Variants in MPZL1 observed in about 807,000 individuals in gnomAD.
The protein encoded by MPZL1 is myelin protein zero like 1, also known as myelin protein zero-like protein 1.
In MPZL1, 16 loss-of-function variants were observed where a neutral mutation model predicts 29.3. The observed-to-expected ratio is 0.55, with a 90% CI of 0.37 to 0.83. The LOEUF (loss-of-function observed/expected upper bound fraction) is 0.83, where lower values mean the gene tolerates loss of function less well. MPZL1 is among the 40% of genes least tolerant of loss of function. The probability of loss-of-function intolerance (pLI) is 0.00; values close to 1 mark genes in which losing one functional copy is unlikely to be tolerated. For missense variants in MPZL1, 279 were observed against 332.9 expected, an observed-to-expected ratio of 0.84 and a Z score of 1.26; for synonymous variants, 143 against 132.0, an observed-to-expected ratio of 1.08 and a Z score of -0.57.
intron 1 of MPZL1, among the ~76,000 whole-genome samples, chr1:167,747,226 C>T (rs73037848): frequency 0.018 from 2,809 of 152,254 alleles, 91 homozygotes; most frequent in African/African-American, 0.063. Flanking sequence ...TAATTTCATT[C>T]CCTTTTATTT....
intron 1 of MPZL1, among the ~76,000 whole-genome samples, chr1:167,740,419 A>G (rs1660492220): frequency 6.6e-6 from 1 of 152,158 alleles, no homozygotes; most frequent in Non-Finnish European, 1.5e-5. Context: ...GACAAACCAT[A>G]TTAGTTCTTC....
In MPZL1 at chr1:167,722,146, T is replaced by A; in HGVS notation, c.-6T>A. On this transcript the variant is annotated 5_prime_UTR_variant, in exon 1 of 6. Transcript: ENST00000359523. Reference sequence around the variant, plus strand: ...CGGCGGCGGCGGCGACTGCAGTGGCTGGACGATGGCAGCGTCCGCCGGAGC... The same window carrying A: ...CGGCGGCGGCGGCGACTGCAGTGGCAGGACGATGGCAGCGTCCGCCGGAGC... The A allele has an allele frequency of 8.1e-7, 1 of 1,235,260 alleles. No homozygotes were observed. The highest frequency in any genetic ancestry group is 1.6e-5 in the African/African-American group (1 of 64,328). 76.5% of individuals were successfully genotyped at this position (1,235,260 alleles called of 1,614,324 possible).
chr1:167,725,858 G>C (rs147124884), intron 1 of MPZL1, among the ~76,000 whole-genome samples: 2 of 151,118 alleles, frequency 1.3e-5, no homozygotes, highest in Non-Finnish European at 3.0e-5. Flanking sequence ...TCAAGTGACC[G>C]GCCTGCCTCA....
chr1:167,768,365 C>T (rs952765313), intron 2 of MPZL1, among the ~76,000 whole-genome samples: 1 of 151,522 alleles, frequency 6.6e-6, no homozygotes, highest in African/African-American at 2.4e-5. Context: ...CCATTTTTAC[C>T]CTCTGTCTCC....
intron 4 of MPZL1, chr1:167,773,655 G>A (rs1661299074): frequency 8.4e-6 from 2 of 238,378 alleles, no homozygotes; most frequent in Admixed American, 1.1e-4. Flanking sequence ...CATCCACTAT[G>A]CAATTAGTAT....
At chr1:167,763,211 G>C (rs1448071723) in intron 1 of MPZL1, among the ~76,000 whole-genome samples, 2 of 152,128 alleles carry the variant, frequency 1.3e-5, no homozygotes, top group Non-Finnish European at 2.9e-5. Context: ...AAGGGATCTG[G>C]TTTAAGAAAA....
chr1:167,729,276 G>GA (rs74842614), intron 1 of MPZL1, among the ~76,000 whole-genome samples: 169 of 124,896 alleles, frequency 1.4e-3, no homozygotes, highest in African/African-American at 1.4e-3. Context: ...TGTCTCAAAA[G>GA]AAAAAAAAAA....
In MPZL1 at chr1:167,788,540, T is replaced by C. The variant is rs1661637674; in HGVS notation, c.*619T>C. ...TGTTAGCCTTACATGTTGTGTAGACTTACTTTAAGTTTGCACCCTTGAAAT... is the reference window on the plus strand; with the variant it reads ...TGTTAGCCTTACATGTTGTGTAGACCTACTTTAAGTTTGCACCCTTGAAAT... On this transcript the variant is annotated 3_prime_UTR_variant, in exon 6 of 6. Transcript: ENST00000359523. 1 of 152,446 alleles carries C rather than the reference T, an allele frequency of 6.6e-6. No individual in the cohort carries two copies. Among genetic ancestry groups the C allele is most frequent in the East Asian group, 1.9e-4 (1 of 5,186 alleles). The allele number at this position is 152,446 out of a possible 1,614,324, so 9.4% of individuals were successfully genotyped here. A position where few individuals can be genotyped will look rare whatever the true frequency, so the allele number is the denominator to read the frequency against.
intron 1 of MPZL1, among the ~76,000 whole-genome samples, chr1:167,723,980 G>C (rs1018015413): frequency 7.2e-5 from 11 of 152,168 alleles, no homozygotes; most frequent in African/African-American, 2.7e-4. Flanking sequence ...TGGGAGGTTA[G>C]GTCTCACTGT....
At chr1:167,782,280 T>C (rs1432378075) in intron 5 of MPZL1, among the ~76,000 whole-genome samples, 1 of 152,216 alleles carries the variant, frequency 6.6e-6, no homozygotes, top group African/African-American at 2.4e-5. Context: ...AACTATCTTA[T>C]TTAAGCATGT....
intron 2 of MPZL1, 64 bp from the exon 3 acceptor site, chr1:167,772,211 C>T (rs750805487): frequency 7.7e-7 from 1 of 1,306,658 alleles, no homozygotes; most frequent in Non-Finnish European, 1.1e-6. Flanking sequence ...ATAGCATGCA[C>T]ATTACAGAGT....
chr1:167,753,165 T>C (rs1660791566), intron 1 of MPZL1, among the ~76,000 whole-genome samples: 1 of 152,214 alleles, frequency 6.6e-6, no homozygotes. Flanking sequence ...AGGTGGAGTC[T>C]TGAAATTCTG....
At position 167,782,564 on chromosome 1, in the gene MPZL1, G is replaced by C. The variant is rs138445512; in HGVS notation, c.709-5256G>C. ...ACCCAGTGAGAAGAAATGCACAGGA[G>C]GTAAAAAAATTTTGAGAACTTGAAT... On this transcript the variant is annotated intron_variant, in intron 5 of 5. Transcript: ENST00000359523. 3.3e-5 allele frequency among the ~76,000 whole-genome samples: 5 copies of C among 152,068 alleles called. No individual in the cohort carries two copies. In the South Asian group the frequency reaches 1.0e-3, roughly 32 times the overall value.
intron 2 of MPZL1, among the ~76,000 whole-genome samples, chr1:167,771,285 T>C (rs1421580839): frequency 6.6e-6 from 1 of 152,214 alleles, no homozygotes; most frequent in Non-Finnish European, 1.5e-5. Context: ...ACACAGCACA[T>C]GTTTCAGAGA....
intron 1 of MPZL1, among the ~76,000 whole-genome samples, chr1:167,722,836 TTC>T (rs1485999503): frequency 6.6e-6 from 1 of 152,230 alleles, no homozygotes; most frequent in Non-Finnish European, 1.5e-5. Context: ...ATATTGTTAC[TTC>T]TAGGTTAGAA....
At chr1:167,758,839 ACT>A (rs1039165310) in intron 1 of MPZL1, among the ~76,000 whole-genome samples, 2 of 152,006 alleles carry the variant, frequency 1.3e-5, no homozygotes, top group African/African-American at 4.8e-5. Context: ...TGCCCTTTAA[ACT>A]CTAGCATAAC....
chr1:167,761,679 T>C (rs1660990872), intron 1 of MPZL1, among the ~76,000 whole-genome samples: 1 of 152,198 alleles, frequency 6.6e-6, no homozygotes, highest in Non-Finnish European at 1.5e-5. Flanking sequence ...TGTGGGTGGA[T>C]TGCTAGACAG....
chr1:167,757,187 T>G (rs551388940), intron 1 of MPZL1, among the ~76,000 whole-genome samples: 138 of 152,186 alleles, frequency 9.1e-4, no homozygotes, highest in Non-Finnish European at 1.7e-3. Flanking sequence ...CCAGGAGAGA[T>G]TTGAGTCTGA....
Position 167,765,707 on chromosome 1 carries a change from C to G in MPZL1, c.216C>G (p.Val72=). The G allele has an allele frequency of 6.2e-7, 1 of 1,612,188 alleles. No homozygotes were observed. The highest frequency in any genetic ancestry group is 8.5e-7 in the Non-Finnish European group (1 of 1,179,122). Residue 72 remains valine, a synonymous_variant, in exon 2 of 6, where the codon GTC becomes GTG. Transcript: ENST00000359523. ...STSTTGGLTS[V]SWSFQPEGAD... Reference sequence around the variant, plus strand: ...GTACGACTGGCGGGTTGACCTCAGTCTCCTGGAGCTTCCAGCCAGAGGGGG... The same window carrying G: ...GTACGACTGGCGGGTTGACCTCAGTGTCCTGGAGCTTCCAGCCAGAGGGGG...
Sources: allele counts gnomAD v4.1 joint callset (sites outside exome capture counted in the v4.1 genomes callset), GRCh38; gene constraint gnomAD v4.1.1; transcripts MANE v1.5; gene names NCBI Gene and HGNC (gene_info 2026-07-23, HGNC 2026-07-21).